Variants in PTPRM observed in about 807,000 individuals in gnomAD.
PTPRM encodes protein tyrosine phosphatase receptor type M, also known as receptor-type tyrosine-protein phosphatase mu.
In PTPRM, 47 loss-of-function variants were observed where a neutral mutation model predicts 186.7. That is an observed-to-expected ratio of 0.25 (90% confidence interval 0.20 to 0.32). PTPRM has a LOEUF of 0.32. Ranked by LOEUF, PTPRM falls within the 10% of genes least tolerant of loss-of-function variation. The pLI is 1.00. For synonymous variants in PTPRM, 668 were observed against 674.9 expected (o/e 0.99, Z 0.16); for missense variants, 1,494 against 1,865.0 (o/e 0.80, Z 3.66).
intron 19 of PTPRM, among the ~76,000 whole-genome samples, chr18:8,288,903 A>G (rs1224340609): frequency 1.3e-5 from 2 of 152,210 alleles, no homozygotes; most frequent in Non-Finnish European, 2.9e-5. Flanking sequence ...ATCGCTGTGC[A>G]GGTGGTGATA....
rs140892749 is a variant in PTPRM at position 8,207,729 on chromosome 18, A to G, written c.2301-36329A>G. Among the ~76,000 whole-genome samples, 89 of 152,364 alleles carry G rather than the reference A, an allele frequency of 5.8e-4. No individual in the cohort carries two copies. The East Asian group carries it at 0.016, about 28-fold the overall frequency. Reference sequence around the variant, plus strand: ...TATGCAATGAAAATGAATTATTTTTAGAGAAATTATATTACATGTTCTTGT... The same window carrying G: ...TATGCAATGAAAATGAATTATTTTTGGAGAAATTATATTACATGTTCTTGT... On this transcript the variant is annotated intron_variant, in intron 14 of 32. Transcript: ENST00000580170.
chr18:7,697,139 G>C (rs2039862251), intron 1 of PTPRM, among the ~76,000 whole-genome samples: 2 of 152,170 alleles, frequency 1.3e-5, no homozygotes, highest in African/African-American at 4.8e-5. Context: ...GAATGTCGGG[G>C]TGTGTTAGTA....
At chr18:7,884,949 AAAG>A (rs2048705322) in intron 2 of PTPRM, among the ~76,000 whole-genome samples, 1 of 149,990 alleles carries the variant, frequency 6.7e-6, no homozygotes, top group Non-Finnish European at 1.5e-5. Flanking sequence ...AAAAAAAAAA[AAAG>A]GAGAGAGAGA....
chr18:8,259,944 A>G (rs750547720), intron 19 of PTPRM, among the ~76,000 whole-genome samples: 1 of 152,260 alleles, frequency 6.6e-6, no homozygotes, highest in African/African-American at 2.4e-5. Flanking sequence ...CTCTGGCCCC[A>G]GATCTCCCTC....
chr18:7,919,216 T>C (rs190522466), intron 4 of PTPRM, among the ~76,000 whole-genome samples: 12 of 152,274 alleles, frequency 7.9e-5, no homozygotes, highest in Non-Finnish European at 1.2e-4. Flanking sequence ...CATTTTGAAA[T>C]CAGGTAGTAT....
chr18:7,645,747 G>T (rs539584908), intron 1 of PTPRM, among the ~76,000 whole-genome samples: 4 of 152,196 alleles, frequency 2.6e-5, no homozygotes, highest in African/African-American at 7.2e-5. Flanking sequence ...GAAATTAGAA[G>T]TCCATCCAGG....
At chr18:8,301,086 A>G (rs76096398) in intron 20 of PTPRM, among the ~76,000 whole-genome samples, 1,836 of 152,330 alleles carry the variant, frequency 0.012, 30 homozygotes, top group African/African-American at 0.041. Flanking sequence ...GACTTGGGAT[A>G]ACACCACTAA....
chr18:7,823,853 G>A (rs1411898936), intron 2 of PTPRM, among the ~76,000 whole-genome samples: 3 of 152,098 alleles, frequency 2.0e-5, no homozygotes, highest in Non-Finnish European at 4.4e-5. Flanking sequence ...TTGTGATCGT[G>A]TGAGTCAGTA....
chr18:8,089,702 T>C (rs954557685), intron 11 of PTPRM, among the ~76,000 whole-genome samples: 5 of 152,204 alleles, frequency 3.3e-5, no homozygotes, highest in African/African-American at 9.6e-5. Context: ...TTCATGTTTC[T>C]TTTGTAGAAT....
At position 8,376,511 on chromosome 18, in the gene PTPRM, G is replaced by T. The variant is rs1051958687; in HGVS notation, c.3376G>T (p.Asp1126Tyr). 1.2e-6 allele frequency: 2 copies of T among 1,613,934 alleles called. No homozygotes were observed. Among genetic ancestry groups the T allele is most frequent in the African/African-American group, 2.7e-5 (2 of 74,876 alleles). Residue 1126 changes from aspartate to tyrosine, a missense_variant, in exon 26 of 33, where the codon GAC (aspartate) becomes TAC (tyrosine). By Grantham distance (160) the Asp-to-Tyr change is radical. Transcript: ENST00000580170. ...GCFIVIDIML[D>Y]MAEREGVVDI... Reference sequence around the variant, plus strand: ...TTTCATCGTCATTGATATCATGTTGGACATGGCCGAAAGGGAAGGGGTCGT... The same window carrying T: ...TTTCATCGTCATTGATATCATGTTGTACATGGCCGAAAGGGAAGGGGTCGT...
intron 4 of PTPRM, among the ~76,000 whole-genome samples, chr18:7,918,981 A>G (rs1204630600): frequency 6.6e-6 from 1 of 152,218 alleles, no homozygotes; most frequent in African/African-American, 2.4e-5. Context: ...ATGTCGAAAC[A>G]GAGGAGGCTA....
chr18:8,384,779 T>G, intron 30 of PTPRM, 93 bp downstream of exon 30: 1 of 1,517,148 alleles, frequency 6.6e-7, no homozygotes, highest in Middle Eastern at 1.8e-4. Flanking sequence ...TCAGTCACTG[T>G]TCCAGGAGTT....
At chr18:7,990,469 A>G (rs1279905043) in intron 7 of PTPRM, among the ~76,000 whole-genome samples, 1 of 152,224 alleles carries the variant, frequency 6.6e-6, no homozygotes, top group African/African-American at 2.4e-5. Context: ...AATGGTTTCA[A>G]TGATAGTATT....
intron 7 of PTPRM, among the ~76,000 whole-genome samples, chr18:7,965,784 C>T (rs1276974400): frequency 2.6e-5 from 4 of 152,286 alleles, no homozygotes; most frequent in South Asian, 2.1e-4. Context: ...TCCTTCTATC[C>T]ATGCTCCTCT....
chr18:7,774,330 A>G (rs914968490), intron 2 of PTPRM, 59 bp downstream of exon 2: 36 of 1,577,616 alleles, frequency 2.3e-5, no homozygotes, highest in South Asian at 4.6e-5. Context: ...CAATCATACT[A>G]TGTGTTCACT....
At chr18:7,979,454 G>T (rs2147415026) in intron 7 of PTPRM, among the ~76,000 whole-genome samples, 1 of 152,196 alleles carries the variant, frequency 6.6e-6, no homozygotes, top group South Asian at 2.1e-4. Context: ...CATCTCTTTT[G>T]GGCAGATTAT....
chr18:8,163,290 A>AT (rs1015063758), intron 14 of PTPRM, among the ~76,000 whole-genome samples: 225 of 150,778 alleles, frequency 1.5e-3, no homozygotes, highest in Admixed American at 1.9e-3. Context: ...TAAAGTTGTG[A>AT]TTTTTTTTTT....
At chr18:8,125,343 G>A (rs896940030) in intron 13 of PTPRM, among the ~76,000 whole-genome samples, 14 of 152,012 alleles carry the variant, frequency 9.2e-5, no homozygotes, top group Admixed American at 7.9e-4. Context: ...ATTGCACTAG[G>A]GAGTGTTGCT....
chr18:7,632,343 G>C (rs745704498), intron 1 of PTPRM, among the ~76,000 whole-genome samples: 1 of 152,252 alleles, frequency 6.6e-6, no homozygotes, highest in African/African-American at 2.4e-5. Context: ...GTGAGGCTCA[G>C]AGATGTTGCG....
Sources: allele counts gnomAD v4.1 joint callset (sites outside exome capture counted in the v4.1 genomes callset), GRCh38; gene constraint gnomAD v4.1.1; transcripts MANE v1.5; gene names NCBI Gene and HGNC (gene_info 2026-07-23, HGNC 2026-07-21).